CEP112: variants seen among roughly 807,000 people sequenced by gnomAD.
CEP112 encodes centrosomal protein 112, also known as centrosomal protein of 112 kDa.
In CEP112, 127 loss-of-function variants were observed where a neutral mutation model predicts 153.0. The observed-to-expected ratio is 0.83, with a 90% CI of 0.72 to 0.96. The LOEUF (loss-of-function observed/expected upper bound fraction) is 0.96. Among genes scored for constraint, CEP112 ranks in the 40% least tolerant of loss-of-function variants. The pLI is 0.00. For synonymous variants in CEP112, 358 were observed against 374.4 expected (o/e 0.96, Z 0.51); for missense variants, 1,089 against 1,101.2 (o/e 0.99, Z 0.16).
intron 19 of CEP112, among the ~76,000 whole-genome samples, chr17:65,903,959 T>C (rs1422434882): frequency 1.7e-4 from 26 of 152,204 alleles, no homozygotes; most frequent in Admixed American, 1.6e-3. Context: ...TGATGGAATG[T>C]ATCTCAAAAT....
At chr17:65,846,064 C>T (rs1324411505) in intron 21 of CEP112, among the ~76,000 whole-genome samples, 1 of 152,184 alleles carries the variant, frequency 6.6e-6, no homozygotes, top group Non-Finnish European at 1.5e-5. Context: ...TTGTCCTTTC[C>T]TCTTTGAACC....
chr17:65,998,382 C>CAAAAAAAAAAAAA, intron 17 of CEP112, among the ~76,000 whole-genome samples: 1 of 70,028 alleles, frequency 1.4e-5, no homozygotes, highest in Admixed American at 2.2e-4. Context: ...GGCCTCGTCT[C>CAAAAAAAAAAAAA]AAAAAAAAAA....
chr17:65,687,032 T>G (rs2047832758), intron 24 of CEP112, among the ~76,000 whole-genome samples: 1 of 152,150 alleles, frequency 6.6e-6, no homozygotes, highest in South Asian at 2.1e-4. Flanking sequence ...GGCATGCTAT[T>G]CACAAAATGC....
chr17:66,043,261 C>G (rs539031833), intron 12 of CEP112: 2 of 155,102 alleles, frequency 1.3e-5, no homozygotes, highest in Admixed American at 1.3e-4. Context: ...CTGGAACAAA[C>G]AGAAATCATG....
At chr17:66,176,412 T>C in intron 3 of CEP112, among the ~76,000 whole-genome samples, 1 of 152,214 alleles carries the variant, frequency 6.6e-6, no homozygotes, top group East Asian at 1.9e-4. Flanking sequence ...ATTACTGTCA[T>C]TTTATTAGAG....
intron 1 of CEP112, among the ~76,000 whole-genome samples, chr17:66,189,824 A>G (rs1372468262): frequency 6.6e-6 from 1 of 152,168 alleles, no homozygotes; most frequent in Non-Finnish European, 1.5e-5. Flanking sequence ...TGATCCCAGG[A>G]GTTCAAGACC....
chr17:66,084,118 C>T (rs2067827909), intron 8 of CEP112, among the ~76,000 whole-genome samples: 1 of 152,138 alleles, frequency 6.6e-6, no homozygotes, highest in Admixed American at 6.5e-5. Flanking sequence ...GATATCATTT[C>T]AGTCCAGTTA....
At chr17:65,888,687 C>T (rs916142331) in intron 20 of CEP112, among the ~76,000 whole-genome samples, 1 of 152,264 alleles carries the variant, frequency 6.6e-6, no homozygotes, top group Non-Finnish European at 1.5e-5. Flanking sequence ...CAGAATGTTA[C>T]TCAGCCCAAA....
intron 8 of CEP112, among the ~76,000 whole-genome samples, chr17:66,087,224 C>G (rs1349237217): frequency 1.3e-5 from 2 of 152,134 alleles, no homozygotes. Context: ...TGCATGATAG[C>G]TTTAAATGTT....
chr17:66,164,918 GTGTATATT>G (rs1235941463), intron 4 of CEP112, among the ~76,000 whole-genome samples: 26 of 125,958 alleles, frequency 2.1e-4, no homozygotes, highest in African/African-American at 6.9e-4. Context: ...GTGTGTGTGT[GTGTATATT>G]TATTTATAAA....
intron 24 of CEP112, among the ~76,000 whole-genome samples, chr17:65,658,123 C>T (rs1397155097): frequency 2.0e-5 from 3 of 152,236 alleles, no homozygotes; most frequent in African/African-American, 7.2e-5. Flanking sequence ...ATTTGGAAGA[C>T]AGACATTATC....
chr17:66,141,933 T>C (rs2070719153), intron 4 of CEP112, among the ~76,000 whole-genome samples: 1 of 152,174 alleles, frequency 6.6e-6, no homozygotes, highest in African/African-American at 2.4e-5. Context: ...AATTCTATTT[T>C]TGATTTTTTG....
intron 8 of CEP112, among the ~76,000 whole-genome samples, chr17:66,076,039 T>C (rs960920005): frequency 7.2e-5 from 11 of 152,052 alleles, no homozygotes; most frequent in African/African-American, 2.7e-4. Context: ...GAGGAAGTAG[T>C]AGGAAAGGCC....
intron 18 of CEP112, among the ~76,000 whole-genome samples, chr17:65,952,512 C>G (rs1657041409): frequency 6.6e-6 from 1 of 152,052 alleles, no homozygotes; most frequent in African/African-American, 2.4e-5. Flanking sequence ...TATCCTTTCA[C>G]CTTCTGAGGA....
At chr17:66,157,386 T>C (rs2071490183) in intron 4 of CEP112, among the ~76,000 whole-genome samples, 2 of 151,930 alleles carry the variant, frequency 1.3e-5, no homozygotes, top group Admixed American at 1.3e-4. Flanking sequence ...AAACACTAAA[T>C]ATGGAAACGA....
intron 20 of CEP112, among the ~76,000 whole-genome samples, chr17:65,859,711 TA>T (rs540133663): frequency 6.4e-4 from 92 of 142,894 alleles, no homozygotes; most frequent in African/African-American, 1.2e-3. Context: ...GACAAGAACA[TA>T]AAAAAAAAAA....
chr17:66,128,355 C>T (rs1414391310), intron 6 of CEP112, among the ~76,000 whole-genome samples: 1 of 143,674 alleles, frequency 7.0e-6, no homozygotes, highest in Admixed American at 6.9e-5. Context: ...AAAAAAAAGA[C>T]CTAAAAGATA....
At chr17:65,902,891 T>C (rs1453971688) in intron 19 of CEP112, among the ~76,000 whole-genome samples, 1 of 152,190 alleles carries the variant, frequency 6.6e-6, no homozygotes, top group Non-Finnish European at 1.5e-5. Flanking sequence ...GAAGGGCACC[T>C]GCTGTGCTGC....
chr17:66,128,661 GATT>G (rs1363700721), intron 6 of CEP112, among the ~76,000 whole-genome samples: 6 of 152,102 alleles, frequency 3.9e-5, no homozygotes. Context: ...TGTATAAAAA[GATT>G]CTTATAAGGA....
Sources: allele counts gnomAD v4.1 joint callset (sites outside exome capture counted in the v4.1 genomes callset), GRCh38; gene constraint gnomAD v4.1.1; transcripts MANE v1.5; gene names NCBI Gene and HGNC (gene_info 2026-07-23, HGNC 2026-07-21).